Variants in PIEZO1 observed in about 807,000 individuals in gnomAD.
PIEZO1 encodes the protein piezo type mechanosensitive ion channel component 1 (Er blood group).
PIEZO1 carries 296 observed loss-of-function variants against 297.2 expected under a neutral mutation model. The observed-to-expected ratio is 1.00, with a 90% CI of 0.91 to 1.10. PIEZO1 has a LOEUF of 1.10. PIEZO1 is among the 50% of genes least tolerant of loss of function. PIEZO1 has a pLI of 0.00. For missense variants in PIEZO1, 5,018 were observed against 3,455.5 expected, an observed-to-expected ratio of 1.45 and a Z score of -11.34; for synonymous variants, 2,427 against 1,507.5, an observed-to-expected ratio of 1.61 and a Z score of -14.13.
chr16:88,724,014 G>C, intron 30 of PIEZO1, 43 bp from the exon 31 acceptor site: 1 of 1,233,348 alleles, frequency 8.1e-7, no homozygotes, highest in South Asian at 1.3e-5. Context: ...CATGCAGGGA[G>C]ACTCCCAGCC....
At chr16:88,725,274 CCAGA>C (rs1271836420) in intron 29 of PIEZO1, 138 bp downstream of exon 29, 5 of 693,716 alleles carry the variant, frequency 7.2e-6, no homozygotes, top group South Asian at 4.1e-5. Context: ...ATGGGGCCTG[CCAGA>C]CAGAGGGTGA....
At chr16:88,742,220 C>T in intron 3 of PIEZO1, 80 bp downstream of exon 3, 1 of 1,497,084 alleles carries the variant, frequency 6.7e-7, no homozygotes, top group Non-Finnish European at 8.9e-7. Flanking sequence ...TCAACCCCCC[C>T]AGGAGACTCG....
Position 88,715,962 on chromosome 16 carries a change from T to G in PIEZO1, c.7287A>C (p.Pro2429=). The change falls in exon 50 of 51, where the codon CCA becomes CCC. Residue 2429 remains proline (P), a synonymous_variant. Coordinates refer to ENST00000301015, the MANE Select transcript of PIEZO1 (RefSeq NM_001142864.4). Reference sequence around the variant, plus strand: ...AGCCAGCCAGGAAGCCGAGGCTCGGTGGGCTGACCTTGTCACTGAAAATGA... The same window carrying G: ...AGCCAGCCAGGAAGCCGAGGCTCGGGGGGCTGACCTTGTCACTGAAAATGA... The part of the protein sequence containing the change: ...PMVIFSDKVS[P]PSLGFLAGYG... 1 of 1,549,850 alleles carries G rather than the reference T, an allele frequency of 6.5e-7. No homozygotes were observed. The highest frequency in any genetic ancestry group is 2.0e-5 in the Admixed American group (1 of 50,984).
chr16:88,732,930 G>A lies in PIEZO1; in HGVS notation c.2665-198C>T, dbSNP rs6500492. On this transcript the variant is annotated intron_variant, in intron 19 of 50. Coordinates refer to ENST00000301015, the MANE Select transcript of PIEZO1 (RefSeq NM_001142864.4). ...AACAGGGAGACCACGGGCAGGGGCT[G>A]GGGGAGTGAAGAGAGGTCCAGGGAG... 0.65 allele frequency: 393,447 copies of A among 607,862 alleles called. 128,613 individuals are homozygous for A. The highest frequency in any genetic ancestry group is 0.74 in the East Asian group (26,368 of 35,838). 37.7% of individuals were successfully genotyped at this position (607,862 alleles called of 1,614,324 possible).
In PIEZO1 at chr16:88,720,073, C is replaced by T; in HGVS notation, c.6160G>A (p.Glu2054Lys). 1 of 1,550,240 alleles carries T rather than the reference C, an allele frequency of 6.5e-7. No homozygotes were observed. The highest frequency in any genetic ancestry group is 8.7e-7 in the Non-Finnish European group (1 of 1,146,884). Reference protein sequence around the residue: ...WMFFILPAVTERMFNQNVVAQ... With the variant: ...WMFFILPAVTKRMFNQNVVAQ... The stretch of plus-strand genomic sequence containing the variant: ...CGCCCCCACGCGTGGGCCCACCTCT[C>T]AGTGACGGCGGGCAGGATGAAGAAC... Residue 2054 changes from glutamate to lysine, a missense_variant, in exon 42 of 51, where the codon GAG (glutamate) becomes AAG (lysine). Glu to Lys is a moderately conservative substitution (Grantham distance 56, BLOSUM62 1). Transcript: ENST00000301015.
At chr16:88,724,154 G>C (rs968430630) in intron 30 of PIEZO1, among the ~76,000 whole-genome samples, 183 bp from the exon 31 acceptor site, 2 of 152,262 alleles carry the variant, frequency 1.3e-5, no homozygotes, top group African/African-American at 4.8e-5. Flanking sequence ...GGCAGCTGAG[G>C]AGCAGAGCCA....
At chr16:88,723,831 CTG>C in intron 31 of PIEZO1, 38 bp downstream of exon 31, 1 of 1,061,618 alleles carries the variant, frequency 9.4e-7, no homozygotes, top group South Asian at 1.4e-5. Flanking sequence ...ACCACAAGCT[CTG>C]TGGTTGGAGT....
chr16:88,727,721 G>GT (rs1904556275), intron 22 of PIEZO1, 60 bp from the exon 23 acceptor site: 1 of 783,280 alleles, frequency 1.3e-6, no homozygotes, highest in Non-Finnish European at 1.9e-6. Context: ...GAGACACCCG[G>GT]TCCCCACCCG....
At chr16:88,750,487 T>G (rs1397884966) in intron 1 of PIEZO1, among the ~76,000 whole-genome samples, 1 of 152,248 alleles carries the variant, frequency 6.6e-6, no homozygotes, top group African/African-American at 2.4e-5. Context: ...CCATGTCCCG[T>G]GTCTGCCCTC....
At chr16:88,719,421 T>C (rs949332264) in intron 44 of PIEZO1, 153 bp downstream of exon 44, 10 of 660,434 alleles carry the variant, frequency 1.5e-5, no homozygotes, top group Admixed American at 2.8e-5. Context: ...GGCCTCGTGA[T>C]CAGCTAGTGG....
intron 2 of PIEZO1, among the ~76,000 whole-genome samples, chr16:88,748,996 G>A (rs919106165): frequency 1.1e-4 from 17 of 150,312 alleles, no homozygotes; most frequent in African/African-American, 3.9e-4. Flanking sequence ...CCAGCACTTT[G>A]GGAGGCCGAG....
Position 88,742,047 on chromosome 16 carries a change from T to A in PIEZO1, c.326+6A>T. ...TGCTGGTTGGGGGTGGGAGGAATGG[T>A]CTTACCTTGTGACCCCTATGTGTCG... On this transcript the variant is annotated splice_donor_region_variant and intron_variant, in intron 4 of 50. Coordinates refer to ENST00000301015, the MANE Select transcript of PIEZO1 (RefSeq NM_001142864.4). 1 of 1,535,864 alleles carries A rather than the reference T, an allele frequency of 6.5e-7. No individual in the cohort carries two copies. The highest frequency in any genetic ancestry group is 8.7e-7 in the Non-Finnish European group (1 of 1,146,686).
chr16:88,723,395 T>G, intron 31 of PIEZO1, 67 bp from the exon 32 acceptor site: 1 of 1,519,484 alleles, frequency 6.6e-7, no homozygotes, highest in East Asian at 2.5e-5. Context: ...GAAGCTGGGG[T>G]TGGGCAAGCC....
Position 88,723,345 on chromosome 16 carries a change from G to A in PIEZO1, c.4336-17C>T, listed in dbSNP as rs983811392. 2.1e-5 allele frequency: 33 copies of A among 1,536,318 alleles called. No individual in the cohort carries two copies. The highest frequency in any genetic ancestry group is 6.8e-5 in the African/African-American group (5 of 73,032). On this transcript the variant is annotated splice_polypyrimidine_tract_variant and intron_variant, in intron 31 of 50. Coordinates refer to ENST00000301015, the MANE Select transcript of PIEZO1 (RefSeq NM_001142864.4). ...GTACGCCAGCTGTCGGCCAGCCCCC[G>A]GGTTAGGACCCGGCCTCCCGAGCCA...
chr16:88,765,184 G>A (rs1006901003), intron 1 of PIEZO1, among the ~76,000 whole-genome samples: 2 of 152,228 alleles, frequency 1.3e-5, no homozygotes, highest in Non-Finnish European at 2.9e-5. Context: ...CTGCTCTCTA[G>A]GGACTTCCCC....
At chr16:88,723,493 G>C (rs934564912) in intron 31 of PIEZO1, among the ~76,000 whole-genome samples, 165 bp from the exon 32 acceptor site, 2 of 152,248 alleles carry the variant, frequency 1.3e-5, no homozygotes, top group Admixed American at 6.5e-5. Context: ...GAGGGGCTGT[G>C]GGGGAAGACT....
At position 88,724,035 on chromosome 16, in the gene PIEZO1, C is replaced by T. The variant is rs186639135; in HGVS notation, c.4235-64G>A. Reference sequence around the variant, plus strand: ...GGGAGACTCCCAGCCAGACCCCCTCCGCCTGCATGGGCCAAGGCCCGAGAG... The same window carrying T: ...GGGAGACTCCCAGCCAGACCCCCTCTGCCTGCATGGGCCAAGGCCCGAGAG... On this transcript the variant is annotated intron_variant, in intron 30 of 50. Coordinates refer to ENST00000301015, the MANE Select transcript of PIEZO1 (RefSeq NM_001142864.4). 147 of 1,014,058 alleles carry T rather than the reference C, an allele frequency of 1.4e-4. No homozygotes were observed. The East Asian group carries it at 2.8e-3, about 20-fold the overall frequency. The allele number at this position is 1,014,058 out of a possible 1,614,324, so 62.8% of individuals were successfully genotyped here.
intron 45 of PIEZO1, 28 bp downstream of exon 45, chr16:88,716,986 GGGATGGGAA>G: frequency 6.5e-7 from 1 of 1,548,598 alleles, no homozygotes; most frequent in Non-Finnish European, 8.7e-7. Flanking sequence ...GAACCCCCAG[GGGATGGGAA>G]TGGACAGGCG....
rs1382999161 is a variant in PIEZO1 at position 88,741,535 on chromosome 16, G to C, written c.408C>G (p.Leu136=). The change falls in exon 5 of 51, where the codon CTC becomes CTG. Residue 136 remains leucine, a synonymous_variant. Transcript: ENST00000301015. Reference sequence around the variant, plus strand: ...TCCTTGCAAGGCGCCCGCAGATGCCGAGGCAGACAGAGGAGACCACCAAGA... The same window carrying C: ...TCCTTGCAAGGCGCCCGCAGATGCCCAGGCAGACAGAGGAGACCACCAAGA... ...LGILVVSSVC[L]GICGRLARNT... The C allele has an allele frequency of 6.5e-7, 1 of 1,535,692 alleles. No individual in the cohort carries two copies. The highest frequency in any genetic ancestry group is 2.0e-5 in the Admixed American group (1 of 50,986).
Sources: gnomAD v4.1 joint callset for allele counts (sites outside exome capture counted in the v4.1 genomes callset) on GRCh38, gnomAD v4.1.1 for gene constraint, MANE v1.5 for transcripts, NCBI Gene and HGNC (gene_info 2026-07-23, HGNC 2026-07-21) for gene names.